PHLDB2: variants seen among roughly 807,000 people sequenced by gnomAD.
PHLDB2 encodes pleckstrin homology-like domain family B member 2.
A neutral mutation model predicts 123.6 loss-of-function variants in PHLDB2; 71 were observed. The ratio of observed to expected loss-of-function variants is 0.57; its 90% CI spans 0.47 to 0.70. PHLDB2 has a LOEUF of 0.70. PHLDB2 is among the 30% of genes least tolerant of loss of function. The probability of loss-of-function intolerance (pLI) is 0.00; values close to 1 mark genes in which losing one functional copy is unlikely to be tolerated. For synonymous variants in PHLDB2, 547 were observed against 541.6 expected, an observed-to-expected ratio of 1.01 and a Z score of -0.14; for missense variants, 1,446 against 1,519.5, an observed-to-expected ratio of 0.95 and a Z score of 0.80.
intron 5 of PHLDB2, among the ~76,000 whole-genome samples, chr3:111,921,522 AT>A (rs1308629073): frequency 3.3e-5 from 5 of 151,566 alleles, no homozygotes; most frequent in South Asian, 2.1e-4. Flanking sequence ...CTACACATCA[AT>A]TTCTTGGTTA....
In PHLDB2 at chr3:111,834,893, C is replaced by T. The variant is rs1210091324; in HGVS notation, c.-48-10928C>T. On this transcript the variant is annotated intron_variant, in intron 1 of 17. Transcript: ENST00000393923. Reference sequence around the variant, plus strand: ...CATTCTTGGACACTGACTTTAGCTTCGGAACTGGTTTTTATATATCCTTTC... The same window carrying T: ...CATTCTTGGACACTGACTTTAGCTTTGGAACTGGTTTTTATATATCCTTTC... 3.3e-5 allele frequency among the ~76,000 whole-genome samples: 5 copies of T among 152,156 alleles called. No individual in the cohort carries two copies. In the East Asian group the frequency reaches 5.8e-4, roughly 18 times the overall value.
intron 5 of PHLDB2, among the ~76,000 whole-genome samples, chr3:111,922,487 G>A (rs2068578128): frequency 6.6e-6 from 1 of 152,198 alleles, no homozygotes; most frequent in Non-Finnish European, 1.5e-5. Flanking sequence ...GACTACAGGG[G>A]CTTGACGCAT....
intron 2 of PHLDB2, among the ~76,000 whole-genome samples, chr3:111,899,069 G>A (rs1420977128): frequency 6.6e-6 from 1 of 152,140 alleles, no homozygotes; most frequent in Admixed American, 6.5e-5. Context: ...TCTATCAGCA[G>A]AATCACTACC....
At chr3:111,967,651 A>G in intron 14 of PHLDB2, 27 bp from the exon 15 acceptor site, 1 of 1,580,394 alleles carries the variant, frequency 6.3e-7, no homozygotes, top group Non-Finnish European at 8.6e-7. Context: ...ATGTTTTAAA[A>G]TAATCATTGT....
intron 1 of PHLDB2, among the ~76,000 whole-genome samples, chr3:111,826,191 C>G (rs2062645980): frequency 1.3e-5 from 2 of 151,976 alleles, no homozygotes; most frequent in Admixed American, 1.3e-4. Flanking sequence ...TGTTTGTATT[C>G]TCAGCTACTA....
chr3:111,836,491 T>A (rs2063401608), intron 1 of PHLDB2, among the ~76,000 whole-genome samples: 1 of 152,114 alleles, frequency 6.6e-6, no homozygotes, highest in African/African-American at 2.4e-5. Context: ...GGGATGTAGA[T>A]CTGTAGCTCA....
At chr3:111,945,477 A>G in intron 9 of PHLDB2, 120 bp downstream of exon 9, 5 of 757,324 alleles carry the variant, frequency 6.6e-6, no homozygotes, top group South Asian at 3.2e-5. Flanking sequence ...AAAGCACTCA[A>G]TGCTTGGATG....
At chr3:111,795,760 C>G (rs13072118) in intron 1 of PHLDB2, among the ~76,000 whole-genome samples, 1 of 151,838 alleles carries the variant, frequency 6.6e-6, no homozygotes, top group African/African-American at 2.4e-5. Context: ...AGTCTTGCTC[C>G]GTCACCCAGG....
chr3:111,812,450 T>A (rs552717347), intron 1 of PHLDB2, among the ~76,000 whole-genome samples: 5 of 152,364 alleles, frequency 3.3e-5, no homozygotes, highest in Middle Eastern at 3.4e-3. Flanking sequence ...GTTTATGTGA[T>A]GATCCAATGG....
In PHLDB2 at chr3:111,777,156, GA is replaced by G. The variant is rs145647179; in HGVS notation, c.-49+44462del. On this transcript the variant is annotated intron_variant, in intron 1 of 17. Transcript: ENST00000393923. ...TCTACAAAGAAAGTGATTCTTACTA[GA>G]AAAAAAAATAACTAGGAATCAAGGC... Among the ~76,000 whole-genome samples, 1,043 of 150,484 alleles carry G rather than the reference GA, an allele frequency of 6.9e-3. 11 individuals carry two copies. Among genetic ancestry groups the G allele is most frequent in the Middle Eastern group, 0.017 (5 of 294 alleles).
intron 1 of PHLDB2, among the ~76,000 whole-genome samples, chr3:111,776,132 T>G (rs2060264085): frequency 6.6e-6 from 1 of 152,162 alleles, no homozygotes; most frequent in Non-Finnish European, 1.5e-5. Context: ...AAGGCAGTCA[T>G]GTAAGAATCA....
chr3:111,939,814 G>A (rs1471315988), intron 7 of PHLDB2, among the ~76,000 whole-genome samples, 184 bp downstream of exon 7: 1 of 152,222 alleles, frequency 6.6e-6, no homozygotes, highest in African/African-American at 2.4e-5. Flanking sequence ...TGCTGTAGAT[G>A]CATTTATGAA....
rs781069318 is a variant in PHLDB2 at position 111,913,555 on chromosome 3, T to G, written c.1572T>G (p.Ser524Arg). Reference sequence around the variant, plus strand: ...ATGCAGACTTGGCAAGCTGTGGGAGTCTCAGTCAGAGCAGTGCCAGCTTCT... The same window carrying G: ...ATGCAGACTTGGCAAGCTGTGGGAGGCTCAGTCAGAGCAGTGCCAGCTTCT... Reference protein sequence around the residue: ...LPDADLASCGSLSQSSASFFT... With the variant: ...LPDADLASCGRLSQSSASFFT... The change falls in exon 3 of 18, where the codon AGT becomes AGG. Residue 524 changes from serine (S) to arginine (R), a missense_variant. Transcript: ENST00000431670. The G allele has an allele frequency of 6.2e-7, 1 of 1,613,602 alleles. No homozygotes were observed.
At chr3:111,949,581 C>T in intron 10 of PHLDB2, 1 of 427,836 alleles carries the variant, frequency 2.3e-6, no homozygotes, top group Non-Finnish European at 3.1e-6. Context: ...AAGATATTGC[C>T]CATCAATTGT....
At chr3:111,890,097 A>G (rs1415401347) in intron 2 of PHLDB2, among the ~76,000 whole-genome samples, 2 of 152,224 alleles carry the variant, frequency 1.3e-5, no homozygotes, top group Non-Finnish European at 2.9e-5. Flanking sequence ...AACAACAACA[A>G]CAACAAACAA....
At chr3:111,858,098 T>C (rs1240374610), upstream of PHLDB2, among the ~76,000 whole-genome samples, 1 of 152,190 alleles carries the variant, frequency 6.6e-6, no homozygotes, top group African/African-American at 2.4e-5. Flanking sequence ...ATGTGGCACA[T>C]ATACACCATG....
At chr3:111,854,760 C>G (rs148081405), upstream of PHLDB2, among the ~76,000 whole-genome samples, 753 of 152,314 alleles carry the variant, frequency 4.9e-3, 23 homozygotes, top group Admixed American at 0.045. Context: ...AAGAGGCTGA[C>G]AAGTCCAGTT....
chr3:111,904,354 A>C (rs937559), intron 2 of PHLDB2, among the ~76,000 whole-genome samples: 3,423 of 151,756 alleles, frequency 0.023, 130 homozygotes, highest in African/African-American at 0.078. Context: ...ATAAGATGAC[A>C]GAGAGGTACT....
chr3:111,824,642 C>T (rs1355262179), intron 1 of PHLDB2, among the ~76,000 whole-genome samples: 2 of 152,126 alleles, frequency 1.3e-5, no homozygotes, highest in African/African-American at 4.8e-5. Flanking sequence ...GGAAACTGTC[C>T]TCAGAATGAA....
Sources: gnomAD v4.1 joint callset for allele counts (sites outside exome capture counted in the v4.1 genomes callset) on GRCh38, gnomAD v4.1.1 for gene constraint, MANE v1.5 for transcripts, NCBI Gene and HGNC (gene_info 2026-07-23, HGNC 2026-07-21) for gene names.